ACCS: variants seen among roughly 807,000 people sequenced by gnomAD.
ACCS encodes the protein 1-aminocyclopropane-1-carboxylate synthase homolog (inactive).
ACCS carries 42 observed loss-of-function variants against 59.8 expected under a neutral mutation model. That is an observed-to-expected ratio of 0.70 (90% confidence interval 0.55 to 0.91). The LOEUF is 0.91. ACCS is among the 40% of genes least tolerant of loss of function. The probability of loss-of-function intolerance (pLI) is 0.00; values close to 1 mark genes in which losing one functional copy is unlikely to be tolerated. For synonymous variants in ACCS, 230 were observed against 240.3 expected, an observed-to-expected ratio of 0.96 and a Z score of 0.40; for missense variants, 602 against 630.4, an observed-to-expected ratio of 0.95 and a Z score of 0.48.
chr11:44,072,355 A>G (rs1334247068), intron 3 of ACCS: 1 of 151,884 alleles, frequency 6.6e-6, no homozygotes, highest in Non-Finnish European at 1.5e-5. Context: ...ACAGGGTTTC[A>G]CCATTTTGGC....
chr11:44,067,810 C>A lies in ACCS; in HGVS notation c.183C>A (p.Ser61=), dbSNP rs138153442. 1.2e-6 allele frequency: 2 copies of A among 1,613,902 alleles called. No individual in the cohort carries two copies. The highest frequency in any genetic ancestry group is 1.3e-5 in the African/African-American group (1 of 74,904). ...CTGCCATGATCTCCTCTGATACCTC[C>A]TACCTGTCCTCTAGAGGAAGAATGA... ...GDPAMISSDT[S]YLSSRGRMIK... The change falls in exon 2 of 15, where the codon TCC becomes TCA. Residue 61 remains serine, a synonymous_variant. Coordinates refer to ENST00000263776, the MANE Select transcript of ACCS (RefSeq NM_032592.4).
chr11:44,075,193 C>CT (rs1470510738), intron 5 of ACCS, among the ~76,000 whole-genome samples: 1 of 152,128 alleles, frequency 6.6e-6, no homozygotes, highest in Non-Finnish European at 1.5e-5. Context: ...ATAGTTTTGA[C>CT]TTGTTTCAGA....
intron 8 of ACCS, 85 bp from the exon 9 acceptor site, chr11:44,078,599 C>A: frequency 8.6e-7 from 1 of 1,165,730 alleles, no homozygotes; most frequent in Non-Finnish European, 1.3e-6. Context: ...TCCCTGGGAG[C>A]CTTCCAGCGA....
intron 8 of ACCS, chr11:44,078,463 C>T: frequency 2.1e-6 from 1 of 472,728 alleles, no homozygotes; most frequent in Non-Finnish European, 3.7e-6. Context: ...ACAAAGGTAA[C>T]CTACTGGTAT....
intron 9 of ACCS, chr11:44,079,122 T>TACAATCCTTACA: frequency 2.6e-6 from 1 of 378,348 alleles, no homozygotes; most frequent in African/African-American, 2.0e-5. Flanking sequence ...ACAACCCTCA[T>TACAATCCTTACA]ACAATCCTTA....
intron 10 of ACCS, among the ~76,000 whole-genome samples, chr11:44,080,339 AT>A (rs1953581310): frequency 6.6e-6 from 1 of 152,148 alleles, no homozygotes. Context: ...AGCCCTTTCC[AT>A]TAGCCTTCTC....
chr11:44,072,996 T>C (rs1275107503), intron 3 of ACCS, among the ~76,000 whole-genome samples: 1 of 152,208 alleles, frequency 6.6e-6, no homozygotes, highest in Non-Finnish European at 1.5e-5. Context: ...CTACTTTTTT[T>C]AAAGTGTGAG....
chr11:44,077,322 G>A lies in ACCS; in HGVS notation c.600G>A (p.Gln200=), dbSNP rs547437700. Residue 200 remains glutamine (Q), a synonymous_variant, in exon 7 of 15, where the codon CAG becomes CAA. Coordinates refer to ENST00000263776, the MANE Select transcript of ACCS (RefSeq NM_032592.4). ...IPTPYYGAIT[Q]HVCLYGNIRL... is the part of the protein sequence containing the mutation. ...CCCCTTACTATGGCGCTATCACACA[G>A]CACGTGTGTCTCTATGGCAACATCC... 1.2e-5 allele frequency: 20 copies of A among 1,614,128 alleles called. No homozygotes were observed. In the South Asian group the frequency reaches 2.1e-4, roughly 17 times the overall value.
At chr11:44,079,642 A>C in intron 10 of ACCS, 22 bp downstream of exon 10, 1 of 1,587,730 alleles carries the variant, frequency 6.3e-7, no homozygotes, top group South Asian at 1.1e-5. Context: ...TGACACAGCT[A>C]ACTCCCCCAG....
At chr11:44,079,187 C>T (rs1953522370) in intron 9 of ACCS, 1 of 372,092 alleles carries the variant, frequency 2.7e-6, no homozygotes, top group South Asian at 3.7e-5. Context: ...TTATCACATC[C>T]AGCTCACTGA....
At position 44,076,689 on chromosome 11, in the gene ACCS, C is replaced by T. The variant is rs1007475393; in HGVS notation, c.557-590C>T. The stretch of plus-strand genomic sequence containing the variant: ...CAAATGTTCAGTGCATTTCCCATCA[C>T]GTCGTAAATGCTTAGCAAATGTTAG... On this transcript the variant is annotated intron_variant, in intron 6 of 14. Coordinates refer to ENST00000263776, the MANE Select transcript of ACCS (RefSeq NM_032592.4). Among the ~76,000 whole-genome samples, 16 of 152,332 alleles carry T rather than the reference C, an allele frequency of 1.1e-4. No individual in the cohort carries two copies. The East Asian group carries it at 2.5e-3, about 24-fold the overall frequency.
chr11:44,069,254 G>T (rs943682324), intron 2 of ACCS, among the ~76,000 whole-genome samples: 6 of 150,798 alleles, frequency 4.0e-5, no homozygotes, highest in African/African-American at 1.2e-4. Context: ...ACGGAGTCTC[G>T]CTGTGACACC....
chr11:44,076,045 G>A (rs527877829), intron 6 of ACCS, among the ~76,000 whole-genome samples: 1 of 152,326 alleles, frequency 6.6e-6, no homozygotes, highest in Admixed American at 6.5e-5. Context: ...AACCAAGGTT[G>A]CCTTAAACCA....
chr11:44,066,919 CTTTA>C (rs1952818640), intron 1 of ACCS, among the ~76,000 whole-genome samples: 1 of 152,226 alleles, frequency 6.6e-6, no homozygotes, highest in Non-Finnish European at 1.5e-5. Flanking sequence ...GTTCTAAGTA[CTTTA>C]TTGTCACTAA....
Position 44,077,264 on chromosome 11 carries a change from C to G in ACCS, c.557-15C>G. On this transcript the variant is annotated splice_polypyrimidine_tract_variant and intron_variant, in intron 6 of 14. Coordinates refer to ENST00000263776, the MANE Select transcript of ACCS (RefSeq NM_032592.4). The stretch of plus-strand genomic sequence containing the variant: ...GGCCAGAAAGTGACAGGCCCTCGCC[C>G]ACTCCTGCCCCCAGAGGCTTTCCTG... 6.2e-7 allele frequency: 1 copy of G among 1,611,464 alleles called. No individual in the cohort carries two copies. The highest frequency in any genetic ancestry group is 1.1e-5 in the South Asian group (1 of 90,504).
intron 3 of ACCS, among the ~76,000 whole-genome samples, chr11:44,071,916 T>C (rs986435690): frequency 1.3e-5 from 2 of 152,246 alleles, no homozygotes; most frequent in Non-Finnish European, 2.9e-5. Flanking sequence ...AATTTGCTTT[T>C]TAAAAGTGGC....
At chr11:44,080,307 T>TTCAA (rs1953580719) in intron 10 of ACCS, among the ~76,000 whole-genome samples, 1 of 152,208 alleles carries the variant, frequency 6.6e-6, no homozygotes, top group African/African-American at 2.4e-5. Flanking sequence ...CGGCTGTTTG[T>TTCAA]TCAGAACCTT....
intron 12 of ACCS, among the ~76,000 whole-genome samples, chr11:44,082,884 C>T (rs1953702884): frequency 6.6e-6 from 1 of 152,136 alleles, no homozygotes; most frequent in Non-Finnish European, 1.5e-5. Flanking sequence ...ACTAGATAAA[C>T]ATTGGGTTCG....
At chr11:44,077,748 G>A (rs773150498) in intron 7 of ACCS, 97 bp from the exon 8 acceptor site, 26 of 1,510,326 alleles carry the variant, frequency 1.7e-5, no homozygotes, top group Non-Finnish European at 2.2e-5. Context: ...TGAGGAGGCT[G>A]GGGATTACAG....
Sources: allele counts gnomAD v4.1 joint callset (sites outside exome capture counted in the v4.1 genomes callset), GRCh38; gene constraint gnomAD v4.1.1; transcripts MANE v1.5; gene names NCBI Gene and HGNC (gene_info 2026-07-23, HGNC 2026-07-21).